Variants in OPCML observed in about 807,000 individuals in gnomAD.
OPCML encodes the protein opioid-binding protein/cell adhesion molecule.
In OPCML, 13 loss-of-function variants were observed where a neutral mutation model predicts 37.8. The ratio of observed to expected loss-of-function variants is 0.34; its 90% CI spans 0.22 to 0.55. The LOEUF (loss-of-function observed/expected upper bound fraction) is 0.55, where lower values mean the gene tolerates loss of function less well. Ranked by LOEUF, OPCML falls within the 20% of genes least tolerant of loss-of-function variation. OPCML has a pLI of 0.91. For missense variants in OPCML, 341 were observed against 435.6 expected, an observed-to-expected ratio of 0.78 and a Z score of 1.93; for synonymous variants, 176 against 168.8, an observed-to-expected ratio of 1.04 and a Z score of -0.33.
intron 1 of OPCML, among the ~76,000 whole-genome samples, chr11:133,123,997 T>C (rs1949460048): frequency 6.6e-6 from 1 of 151,988 alleles, no homozygotes; most frequent in African/African-American, 2.4e-5. Flanking sequence ...TTTGTCACTA[T>C]CCTTCAACAT....
chr11:132,513,977 T>A (rs751199161), intron 4 of OPCML, among the ~76,000 whole-genome samples: 2 of 152,196 alleles, frequency 1.3e-5, no homozygotes, highest in Non-Finnish European at 2.9e-5. Flanking sequence ...CTTGAATGAC[T>A]GAACAAGTGC....
chr11:132,591,877 G>GGGTA (rs2096484991), intron 3 of OPCML, among the ~76,000 whole-genome samples: 1 of 152,198 alleles, frequency 6.6e-6, no homozygotes, highest in African/African-American at 2.4e-5. Flanking sequence ...AAAGATGGAT[G>GGGTA]GGTAAACAGA....
At chr11:133,337,910 CAT>C (rs1224030881) in intron 1 of OPCML, among the ~76,000 whole-genome samples, 1 of 152,024 alleles carries the variant, frequency 6.6e-6, no homozygotes, top group Non-Finnish European at 1.5e-5. Flanking sequence ...CCCCACCACT[CAT>C]TTCCAAGTGG....
chr11:132,726,393 A>T (rs1391674021), intron 2 of OPCML, among the ~76,000 whole-genome samples: 1 of 152,124 alleles, frequency 6.6e-6, no homozygotes, highest in Non-Finnish European at 1.5e-5. Context: ...CTATCATGTG[A>T]ACAGCATGGG....
chr11:133,190,632 A>G lies in OPCML; in HGVS notation c.62-247622T>C, dbSNP rs544663155. On this transcript the variant is annotated intron_variant, in intron 1 of 7. Coordinates refer to ENST00000524381, the MANE Select transcript of OPCML (RefSeq NM_001012393.5). ...CTGTGTCCTTTAGCAGTCACCTCCA[A>G]TCTCCCCATCTCCCCAGTTCTATAC... Among the ~76,000 whole-genome samples, 3 of 152,188 alleles carry G rather than the reference A, an allele frequency of 2.0e-5. No individual in the cohort carries two copies. In the East Asian group the frequency reaches 5.8e-4, roughly 29 times the overall value.
intron 2 of OPCML, among the ~76,000 whole-genome samples, chr11:132,887,019 A>G: frequency 6.6e-6 from 1 of 152,192 alleles, no homozygotes; most frequent in East Asian, 1.9e-4. Flanking sequence ...AGATTAAACT[A>G]AATTAGGTAC....
chr11:133,088,950 A>G (rs573261239), intron 1 of OPCML, among the ~76,000 whole-genome samples: 3 of 152,372 alleles, frequency 2.0e-5, no homozygotes, highest in African/African-American at 7.2e-5. Context: ...AGCAATGAAA[A>G]TATCTCCAAA....
chr11:132,532,567 A>C (rs2096328647), intron 3 of OPCML, among the ~76,000 whole-genome samples: 1 of 152,198 alleles, frequency 6.6e-6, no homozygotes, highest in South Asian at 2.1e-4. Flanking sequence ...CAGGGTTAGT[A>C]AATGAGAGCT....
At chr11:132,719,459 C>T (rs747759677) in intron 2 of OPCML, among the ~76,000 whole-genome samples, 6 of 152,158 alleles carry the variant, frequency 3.9e-5, no homozygotes, top group Non-Finnish European at 8.8e-5. Context: ...GTACAAAGGG[C>T]TTTCCCTTAC....
chr11:132,591,058 G>A (rs576730952), intron 3 of OPCML, among the ~76,000 whole-genome samples: 96 of 152,046 alleles, frequency 6.3e-4, no homozygotes, highest in Non-Finnish European at 8.8e-4. Flanking sequence ...CCTCCCTTCC[G>A]TCTTCTCTCC....
At chr11:133,294,945 T>C (rs980320579) in intron 1 of OPCML, among the ~76,000 whole-genome samples, 26 of 149,764 alleles carry the variant, frequency 1.7e-4, no homozygotes, top group Non-Finnish European at 3.7e-4. Flanking sequence ...TGCCTCAGCC[T>C]CTCTAGTAGC....
At chr11:132,712,341 G>C (rs1166759877) in intron 2 of OPCML, among the ~76,000 whole-genome samples, 1 of 150,384 alleles carries the variant, frequency 6.6e-6, no homozygotes, top group Non-Finnish European at 1.5e-5. Context: ...GGTCTGATGC[G>C]AGCTTGCCCG....
chr11:132,989,869 A>G (rs535140798), intron 1 of OPCML, among the ~76,000 whole-genome samples: 7 of 152,152 alleles, frequency 4.6e-5, no homozygotes, highest in Non-Finnish European at 1.0e-4. Context: ...AAAGCCTTCC[A>G]CTGCATCATT....
intron 2 of OPCML, among the ~76,000 whole-genome samples, chr11:132,783,041 G>A (rs1280388608): frequency 6.6e-6 from 1 of 151,040 alleles, no homozygotes; most frequent in Admixed American, 6.6e-5. Flanking sequence ...TTTTAGATCT[G>A]CTTTTAGCTC....
intron 2 of OPCML, among the ~76,000 whole-genome samples, chr11:132,885,879 T>C (rs1943391761): frequency 6.6e-6 from 1 of 152,202 alleles, no homozygotes; most frequent in Non-Finnish European, 1.5e-5. Context: ...GTTAACCACT[T>C]CATCGTTTCT....
intron 1 of OPCML, among the ~76,000 whole-genome samples, chr11:133,216,841 TG>T (rs1169512918): frequency 6.6e-6 from 1 of 152,208 alleles, no homozygotes; most frequent in Non-Finnish European, 1.5e-5. Flanking sequence ...TGTATTTATA[TG>T]TAAATATATG....
intron 1 of OPCML, among the ~76,000 whole-genome samples, chr11:133,383,880 C>G (rs1047645334): frequency 1.3e-5 from 2 of 152,098 alleles, no homozygotes; most frequent in African/African-American, 4.8e-5. Flanking sequence ...GCAGTGCATG[C>G]CCAGGGCCAA....
At chr11:132,448,836 G>A (rs1425039717) in intron 4 of OPCML, among the ~76,000 whole-genome samples, 1 of 152,198 alleles carries the variant, frequency 6.6e-6, no homozygotes, top group East Asian at 1.9e-4. Flanking sequence ...TGATTTTTCA[G>A]TAAGTGTTTT....
At chr11:132,548,109 G>A (rs2096372962) in intron 3 of OPCML, among the ~76,000 whole-genome samples, 1 of 152,178 alleles carries the variant, frequency 6.6e-6, no homozygotes, top group Admixed American at 6.6e-5. Flanking sequence ...GTGTGTGCCT[G>A]TGGAGACTCA....
Sources: gnomAD v4.1 joint callset for allele counts (sites outside exome capture counted in the v4.1 genomes callset) on GRCh38, gnomAD v4.1.1 for gene constraint, MANE v1.5 for transcripts, NCBI Gene and HGNC (gene_info 2026-07-23, HGNC 2026-07-21) for gene names.